The following GREM2 variants were observed in gnomAD, a reference collection of about 807,000 sequenced individuals.
GREM2 encodes gremlin-2.
Under a neutral mutation model 14.2 loss-of-function variants are expected in GREM2, and 11 were observed. The observed-to-expected ratio is 0.78, with a 90% CI of 0.49 to 1.28. GREM2 has a LOEUF of 1.28. Ranked by LOEUF, GREM2 falls within the 50% of genes most tolerant of loss-of-function variation. The pLI is 0.00. For missense variants in GREM2, 210 were observed against 218.5 expected (o/e 0.96, Z 0.24); for synonymous variants, 98 against 97.6 (o/e 1.00, Z -0.02).
chr1:240,587,992 T>C (rs1338662495), intron 1 of GREM2, among the ~76,000 whole-genome samples: 2 of 152,146 alleles, frequency 1.3e-5, no homozygotes, highest in Admixed American at 1.3e-4. Flanking sequence ...GGAAAACTGC[T>C]GTGAAACGGC....
At chr1:240,609,362 T>C (rs2102876836) in intron 1 of GREM2, among the ~76,000 whole-genome samples, 1 of 152,186 alleles carries the variant, frequency 6.6e-6, no homozygotes, top group East Asian at 1.9e-4. Flanking sequence ...TTGGTCAGTG[T>C]TGAGTCTGAG....
intron 1 of GREM2, among the ~76,000 whole-genome samples, chr1:240,590,988 G>A (rs540774190): frequency 2.5e-4 from 38 of 151,076 alleles, no homozygotes; most frequent in East Asian, 1.2e-3. Flanking sequence ...CACCAGGTTG[G>A]CCAGGCTGGT....
intron 1 of GREM2, among the ~76,000 whole-genome samples, chr1:240,504,093 C>T (rs1011678401): frequency 3.3e-5 from 5 of 152,168 alleles, no homozygotes; most frequent in Non-Finnish European, 7.3e-5. Flanking sequence ...AGGAGTGACA[C>T]TTTCTACATA....
intron 1 of GREM2, among the ~76,000 whole-genome samples, chr1:240,529,998 G>T (rs909836360): frequency 1.3e-5 from 2 of 152,080 alleles, no homozygotes; most frequent in Non-Finnish European, 2.9e-5. Context: ...GGAAATATTG[G>T]ACTTGAAGTC....
intron 1 of GREM2, among the ~76,000 whole-genome samples, chr1:240,550,982 G>A (rs1017050610): frequency 6.6e-6 from 1 of 152,022 alleles, no homozygotes; most frequent in African/African-American, 2.4e-5. Context: ...GAATAATTTT[G>A]AAAAAAGAAT....
At chr1:240,514,317 G>GAC (rs570944758) in intron 1 of GREM2, among the ~76,000 whole-genome samples, 302 of 150,434 alleles carry the variant, frequency 2.0e-3, no homozygotes, top group Admixed American at 3.6e-3. Context: ...TTAGAGGTGA[G>GAC]ACTGGAGCAA....
At chr1:240,597,178 A>G (rs1486909165) in intron 1 of GREM2, among the ~76,000 whole-genome samples, 1 of 152,236 alleles carries the variant, frequency 6.6e-6, no homozygotes, top group African/African-American at 2.4e-5. Context: ...CTTTAGAAGA[A>G]AGCCAGGAAT....
rs1445843572 is a variant in GREM2 at position 240,491,377 on chromosome 1, C to A, written c.*1592G>T. ...AAAGTTTACTGATTCCCACCAATGG[C>A]AGCTCATTCACATTTGTCAGATTCC... On this transcript the variant is annotated 3_prime_UTR_variant, in exon 2 of 2. Transcript: ENST00000318160. 2 of 152,620 alleles carry A rather than the reference C, an allele frequency of 1.3e-5. No individual in the cohort carries two copies. The highest frequency in any genetic ancestry group is 2.9e-5 in the Non-Finnish European group (2 of 68,042). 9.5% of individuals were successfully genotyped at this position (152,620 alleles called of 1,614,324 possible). A position where few individuals can be genotyped will look rare whatever the true frequency, so the allele number is the denominator to read the frequency against.
chr1:240,514,832 C>T (rs1216139219), intron 1 of GREM2, among the ~76,000 whole-genome samples: 1 of 152,064 alleles, frequency 6.6e-6, no homozygotes, highest in Non-Finnish European at 1.5e-5. Context: ...CCCAAGAGAT[C>T]GAGGCTGCAA....
At chr1:240,585,546 A>G (rs76111365) in intron 1 of GREM2, among the ~76,000 whole-genome samples, 1 of 151,906 alleles carries the variant, frequency 6.6e-6, no homozygotes, top group South Asian at 2.1e-4. Context: ...CTTGGCCAAC[A>G]CGGTGAAACC....
intron 1 of GREM2, chr1:240,530,607 TA>T (rs1432659548): frequency 6.6e-6 from 1 of 152,218 alleles, no homozygotes; most frequent in Non-Finnish European, 1.5e-5. Flanking sequence ...CATAGAGTTA[TA>T]AATAATAGTT....
chr1:240,599,639 T>C (rs1372444548), intron 1 of GREM2, among the ~76,000 whole-genome samples: 1 of 152,206 alleles, frequency 6.6e-6, no homozygotes, highest in Non-Finnish European at 1.5e-5. Flanking sequence ...GGAAAAAACC[T>C]TCGCAGAGAA....
intron 1 of GREM2, among the ~76,000 whole-genome samples, chr1:240,580,456 C>T (rs764417788): frequency 5.3e-5 from 8 of 152,282 alleles, no homozygotes; most frequent in Non-Finnish European, 1.2e-4. Flanking sequence ...GATATATGTT[C>T]TTGTTTAAAT....
chr1:240,499,573 C>T lies in GREM2; in HGVS notation c.-1-6097G>A, dbSNP rs532779704. Among the ~76,000 whole-genome samples the T allele has an allele frequency of 3.9e-5, 6 of 152,288 alleles. No homozygotes were observed. In the South Asian group the frequency reaches 8.3e-4, roughly 21 times the overall value. ...GCCTCAGCTACTAAAGGCACTTCATCGATGACTTGGATTCTTAGGCTGGGA... is the reference window on the plus strand; with the variant it reads ...GCCTCAGCTACTAAAGGCACTTCATTGATGACTTGGATTCTTAGGCTGGGA... On this transcript the variant is annotated intron_variant, in intron 1 of 1. Transcript: ENST00000318160.
At chr1:240,559,032 G>T (rs956693803) in intron 1 of GREM2, among the ~76,000 whole-genome samples, 7 of 152,072 alleles carry the variant, frequency 4.6e-5, no homozygotes, top group Non-Finnish European at 1.0e-4. Flanking sequence ...TACAGATTAT[G>T]ATTGTCCCTT....
chr1:240,575,653 C>T (rs1204440690), intron 1 of GREM2, among the ~76,000 whole-genome samples: 1 of 151,642 alleles, frequency 6.6e-6, no homozygotes, highest in African/African-American at 2.4e-5. Flanking sequence ...CCTGAATAGC[C>T]GGGATTACAG....
At chr1:240,560,276 G>C (rs1679014440) in intron 1 of GREM2, among the ~76,000 whole-genome samples, 1 of 152,098 alleles carries the variant, frequency 6.6e-6, no homozygotes, top group Admixed American at 6.6e-5. Flanking sequence ...AGTGCAGTTG[G>C]GTGATACTGC....
At chr1:240,513,968 C>G (rs1043953219) in intron 1 of GREM2, among the ~76,000 whole-genome samples, 1 of 151,910 alleles carries the variant, frequency 6.6e-6, no homozygotes, top group African/African-American at 2.4e-5. Context: ...AGAAATAGTC[C>G]GGTGCGGTGG....
Position 240,500,302 on chromosome 1 carries a change from C to CT in GREM2, c.-1-6827dup, listed in dbSNP as rs72003898. Among the ~76,000 whole-genome samples the CT allele has an allele frequency of 5.2e-3, 755 of 146,522 alleles. 4 individuals are homozygous for CT. Among genetic ancestry groups the CT allele is most frequent in the African/African-American group, 0.016 (647 of 40,078 alleles). ...GAGTATGTTTGTGTGTGTGGATAAT[C>CT]TTTTTTTTTTTTTCCAGACAGAGTC... On this transcript the variant is annotated intron_variant, in intron 1 of 1. Transcript: ENST00000318160.
Sources: allele counts gnomAD v4.1 joint callset (sites outside exome capture counted in the v4.1 genomes callset), GRCh38; gene constraint gnomAD v4.1.1; transcripts MANE v1.5; gene names NCBI Gene and HGNC (gene_info 2026-07-23, HGNC 2026-07-21).